ZNF469: variants seen among roughly 807,000 people sequenced by gnomAD.
ZNF469 encodes zinc finger protein 469.
In ZNF469, 1 loss-of-function variant was observed where a neutral mutation model predicts 1.0. That is an observed-to-expected ratio of 1.00 (90% confidence interval 0.35 to 4.73). The LOEUF is 4.73. Ranked by LOEUF, ZNF469 falls within the 30% of genes most tolerant of loss-of-function variation. The pLI is 0.16. For synonymous variants in ZNF469, 2,703 were observed against 2,363.4 expected (o/e 1.14, Z -4.17); for missense variants, 6,100 against 5,356.3 (o/e 1.14, Z -4.33).
chr16:88,265,236 G>A, the ZNF469 span, among the ~76,000 whole-genome samples: 2 of 152,234 alleles, frequency 1.3e-5, no homozygotes, highest in Non-Finnish European at 2.9e-5. Context: ...TCCTCCAGGG[G>A]TGACTTCACC....
the ZNF469 span, among the ~76,000 whole-genome samples, chr16:88,335,792 AT>A: frequency 2.0e-5 from 3 of 148,844 alleles, no homozygotes; most frequent in African/African-American, 7.4e-5. Context: ...TACCACGCAC[AT>A]TCGTCCTTCA....
At chr16:88,191,155 T>C in the ZNF469 span, among the ~76,000 whole-genome samples, 1 of 151,650 alleles carries the variant, frequency 6.6e-6, no homozygotes, top group Non-Finnish European at 1.5e-5. Flanking sequence ...TTGGGGCTCC[T>C]TGTGGATTTT....
the ZNF469 span, among the ~76,000 whole-genome samples, chr16:88,193,017 G>T: frequency 6.6e-6 from 1 of 150,902 alleles, no homozygotes; most frequent in South Asian, 2.1e-4. Flanking sequence ...TGGTGATGGT[G>T]GTGGTGGTGA....
the ZNF469 span, among the ~76,000 whole-genome samples, chr16:88,133,930 C>G: frequency 2.0e-5 from 3 of 152,148 alleles, no homozygotes. Context: ...CCTGTCTCTA[C>G]TAAAAATACA....
chr16:88,210,768 CA>C, the ZNF469 span, among the ~76,000 whole-genome samples: 4 of 152,202 alleles, frequency 2.6e-5, no homozygotes, highest in Non-Finnish European at 4.4e-5. Context: ...TGTTCTTTTC[CA>C]CCGTTCTGTT....
chr16:88,212,341 T>C, the ZNF469 span, among the ~76,000 whole-genome samples: 2 of 152,326 alleles, frequency 1.3e-5, no homozygotes, highest in East Asian at 1.9e-4. Flanking sequence ...ACTTCACTTA[T>C]ACACAGTGTC....
chr16:88,249,941 A>G, the ZNF469 span, among the ~76,000 whole-genome samples: 1 of 152,192 alleles, frequency 6.6e-6, no homozygotes, highest in South Asian at 2.1e-4. Context: ...CCTGACCTTC[A>G]GCATAGCTGG....
the ZNF469 span, among the ~76,000 whole-genome samples, chr16:88,188,531 A>T: frequency 2.8e-5 from 4 of 142,564 alleles, no homozygotes; most frequent in African/African-American, 1.0e-4. Context: ...TCTGGCCCCC[A>T]TGGTGCTCAG....
At chr16:88,164,419 G>A in the ZNF469 span, among the ~76,000 whole-genome samples, 55 of 152,238 alleles carry the variant, frequency 3.6e-4, no homozygotes, top group African/African-American at 1.3e-3. Flanking sequence ...ATGGGTGGAT[G>A]TATAAGTGGG....
the ZNF469 span, among the ~76,000 whole-genome samples, chr16:88,208,803 A>ACACACACACACACACTCTCT: frequency 2.4e-5 from 3 of 123,564 alleles, no homozygotes; most frequent in African/African-American, 9.4e-5. Flanking sequence ...ACACACACAC[A>ACACACACACACACACTCTCT]CTCTCTCTCT....
chr16:88,437,226 G>A lies in ZNF469; in HGVS notation c.9756G>A (p.Pro3252=), dbSNP rs775994248. The A allele has an allele frequency of 9.7e-6, 15 of 1,549,216 alleles. No homozygotes were observed. The highest frequency in any genetic ancestry group is 7.3e-5 in the East Asian group (3 of 40,898). ...CCGCCGGCAAGGCCGCCGGGAGCCC[G>A]GGAGACCCGTGGGGGCAAGAGGGAG... is the stretch of plus-strand genomic sequence containing the variant. The part of the protein sequence containing the change: ...KRSAGKAAGS[P]GDPWGQEGEA... The change falls in exon 3 of 3, where the codon CCG becomes CCA. Residue 3252 remains proline, a synonymous_variant. Coordinates refer to ENST00000565624, the MANE Select transcript of ZNF469 (RefSeq NM_001367624.2).
the ZNF469 span, among the ~76,000 whole-genome samples, chr16:88,328,251 C>T: frequency 6.6e-6 from 1 of 152,252 alleles, no homozygotes; most frequent in Admixed American, 6.5e-5. Context: ...GTACTGTATT[C>T]TGCCTTAAAG....
chr16:88,188,871 G>C, the ZNF469 span, among the ~76,000 whole-genome samples: 1 of 152,054 alleles, frequency 6.6e-6, no homozygotes, highest in Non-Finnish European at 1.5e-5. Context: ...TCCCCGGTGT[G>C]GGCACCATGC....
the ZNF469 span, among the ~76,000 whole-genome samples, chr16:88,325,711 A>G: frequency 6.9e-3 from 1,052 of 152,322 alleles, 10 homozygotes; most frequent in African/African-American, 0.024. Flanking sequence ...TGTCACCCCA[A>G]AAGTCTGCAG....
chr16:88,116,250 C>T, the ZNF469 span, among the ~76,000 whole-genome samples: 42 of 152,304 alleles, frequency 2.8e-4, no homozygotes, highest in African/African-American at 9.6e-4. Flanking sequence ...TGTCGGGAAA[C>T]GCACTGAGAC....
At chr16:88,422,281 A>AATGGGTGGATGGATGG (rs1905489945) in intron 1 of ZNF469, among the ~76,000 whole-genome samples, 1 of 121,790 alleles carries the variant, frequency 8.2e-6, no homozygotes, top group Non-Finnish European at 1.7e-5. Flanking sequence ...ATAGGTGGGT[A>AATGGGTGGATGGATGG]ATGGATGGAT....
At chr16:88,301,789 G>T in the ZNF469 span, among the ~76,000 whole-genome samples, 1 of 152,150 alleles carries the variant, frequency 6.6e-6, no homozygotes, top group African/African-American at 2.4e-5. Flanking sequence ...TGAGAAACAG[G>T]CCTCACCTTT....
chr16:88,317,422 G>A, the ZNF469 span, among the ~76,000 whole-genome samples: 1 of 152,212 alleles, frequency 6.6e-6, no homozygotes, highest in South Asian at 2.1e-4. Flanking sequence ...CCAGGGGCAG[G>A]GTGGAGCCTC....
the ZNF469 span, among the ~76,000 whole-genome samples, chr16:88,364,652 G>A: frequency 5.3e-5 from 8 of 152,064 alleles, no homozygotes; most frequent in African/African-American, 9.7e-5. Flanking sequence ...TAGTGATGTC[G>A]TGCCATTTTC....
Sources: gnomAD v4.1 joint callset for allele counts (sites outside exome capture counted in the v4.1 genomes callset) on GRCh38, gnomAD v4.1.1 for gene constraint, MANE v1.5 for transcripts, NCBI Gene and HGNC (gene_info 2026-07-23, HGNC 2026-07-21) for gene names.